PRKD1: variants seen among roughly 807,000 people sequenced by gnomAD.
The protein encoded by PRKD1 is protein kinase D1.
In PRKD1, 63 loss-of-function variants were observed where a neutral mutation model predicts 95.9. The ratio of observed to expected loss-of-function variants is 0.66; its 90% confidence interval spans 0.54 to 0.81. PRKD1 has a LOEUF of 0.81. Among genes scored for constraint, PRKD1 ranks in the 30% least tolerant of loss-of-function variants. The pLI is 0.00. For missense variants in PRKD1, 1,048 were observed against 1,165.3 expected, an observed-to-expected ratio of 0.90 and a Z score of 1.47; for synonymous variants, 425 against 423.1, an observed-to-expected ratio of 1.00 and a Z score of -0.05.
intron 13 of PRKD1, among the ~76,000 whole-genome samples, chr14:29,617,645 TA>T (rs1233136346): frequency 8.5e-5 from 13 of 152,318 alleles, no homozygotes; most frequent in African/African-American, 2.6e-4. Flanking sequence ...ATATTTTTCT[TA>T]ACCTTTATAT....
chr14:29,678,357 G>A (rs535692558), intron 2 of PRKD1, among the ~76,000 whole-genome samples: 143 of 152,164 alleles, frequency 9.4e-4, no homozygotes, highest in Non-Finnish European at 1.4e-3. Flanking sequence ...ATAAACATTA[G>A]CCATTCCGTA....
intron 1 of PRKD1, among the ~76,000 whole-genome samples, chr14:29,918,271 A>T (rs184978051): frequency 1.6e-3 from 238 of 152,244 alleles, no homozygotes; most frequent in African/African-American, 5.3e-3. Flanking sequence ...GGAGGGAGAA[A>T]GAATCTTGTA....
intron 16 of PRKD1, chr14:29,592,588 A>C (rs2138991794): frequency 6.6e-6 from 1 of 152,312 alleles, no homozygotes; most frequent in African/African-American, 2.4e-5. Flanking sequence ...GATAGACAGA[A>C]GTAAAGACTA....
Position 29,597,296 on chromosome 14 carries a change from C to T in PRKD1, c.2434+195G>A, listed in dbSNP as rs1893342408. Reference sequence around the variant, plus strand: ...ATTCTCTCTGGTTGTTCACTTACTTCTTAATATATATAACCCAATTTCTGT... The same window carrying T: ...ATTCTCTCTGGTTGTTCACTTACTTTTTAATATATATAACCCAATTTCTGT... On this transcript the variant is annotated intron_variant, in intron 16 of 17. Transcript: ENST00000331968. 2.0e-5 allele frequency among the ~76,000 whole-genome samples: 3 copies of T among 152,102 alleles called. No individual in the cohort carries two copies. In the South Asian group the frequency reaches 6.2e-4, roughly 32 times the overall value.
At chr14:29,816,093 C>T (rs1400439292) in intron 1 of PRKD1, among the ~76,000 whole-genome samples, 2 of 152,168 alleles carry the variant, frequency 1.3e-5, no homozygotes, top group Non-Finnish European at 2.9e-5. Flanking sequence ...TGGCACATGC[C>T]TGTAATCCCA....
chr14:29,616,324 A>T lies in PRKD1; in HGVS notation c.1905+7828T>A, dbSNP rs145500688. Among the ~76,000 whole-genome samples, 421 of 150,416 alleles carry T rather than the reference A, an allele frequency of 2.8e-3. 1 individual carries two copies. Among genetic ancestry groups the T allele is most frequent in the African/African-American group, 9.0e-3 (370 of 41,122 alleles). On this transcript the variant is annotated intron_variant, in intron 13 of 17. Coordinates refer to ENST00000331968, the MANE Select transcript of PRKD1 (RefSeq NM_002742.3). ...GTGTAGAAACCAATGACAAGAGGGA[A>T]ATTTATAAACAAGAAATGAAAGAGG...
chr14:29,812,560 C>T (rs902260334), intron 1 of PRKD1, among the ~76,000 whole-genome samples: 1 of 152,136 alleles, frequency 6.6e-6, no homozygotes, highest in African/African-American at 2.4e-5. Context: ...AACCTACAAT[C>T]ATGGTGGAAG....
intron 1 of PRKD1, among the ~76,000 whole-genome samples, chr14:29,804,834 A>G (rs1890172398): frequency 6.6e-6 from 1 of 152,174 alleles, no homozygotes; most frequent in Non-Finnish European, 1.5e-5. Context: ...TAAAACTCCC[A>G]GTAGACCTAA....
At chr14:29,706,768 T>A (rs571548268) in intron 2 of PRKD1, among the ~76,000 whole-genome samples, 2 of 152,232 alleles carry the variant, frequency 1.3e-5, no homozygotes, top group African/African-American at 4.8e-5. Context: ...ATCTTCTACT[T>A]TAAAACCAGC....
chr14:29,676,141 T>C (rs1156421252), intron 2 of PRKD1, among the ~76,000 whole-genome samples: 2 of 149,766 alleles, frequency 1.3e-5, no homozygotes, highest in East Asian at 4.0e-4. Context: ...AAAAAGTAAG[T>C]CATCTACATT....
intron 1 of PRKD1, among the ~76,000 whole-genome samples, chr14:29,873,539 C>T (rs111858592): frequency 1.3e-4 from 20 of 151,968 alleles, no homozygotes; most frequent in African/African-American, 4.6e-4. Flanking sequence ...ACTATCTATA[C>T]AAAATGCTTT....
intron 1 of PRKD1, among the ~76,000 whole-genome samples, chr14:29,802,560 G>A (rs1890078949): frequency 6.6e-6 from 1 of 152,212 alleles, no homozygotes; most frequent in Non-Finnish European, 1.5e-5. Context: ...AGGTAACAAA[G>A]TGACATCTTT....
rs775360422 is a variant in PRKD1, at chr14:29,725,582, C to T, written c.357G>A (p.Ala119=). The change falls in exon 2 of 18, where the codon GCG becomes GCA. Residue 119 remains alanine (A), a synonymous_variant. Transcript: ENST00000331968. ...GATCGCCTTCCTGGATATCACTGGC[C>T]GCTTTCACCAGCTGAAGGATGTTTT... The part of the protein sequence containing the change: ...TSENILQLVK[A]ASDIQEGDLI... 19 of 1,613,652 alleles carry T rather than the reference C, an allele frequency of 1.2e-5. No individual in the cohort carries two copies. The highest frequency in any genetic ancestry group is 8.3e-5 in the Admixed American group (5 of 59,968).
chr14:29,798,889 T>C (rs1342587024), intron 1 of PRKD1, among the ~76,000 whole-genome samples: 1 of 152,230 alleles, frequency 6.6e-6, no homozygotes, highest in Non-Finnish European at 1.5e-5. Context: ...TGTTAAATAA[T>C]AATCTCATCA....
intron 1 of PRKD1, among the ~76,000 whole-genome samples, chr14:29,816,070 T>C (rs1183014931): frequency 6.6e-6 from 1 of 151,950 alleles, no homozygotes; most frequent in Non-Finnish European, 1.5e-5. Context: ...ATACAAAAAT[T>C]AGCTGGGTGT....
chr14:29,731,557 A>AT (rs1405877174), intron 1 of PRKD1, among the ~76,000 whole-genome samples: 2 of 152,018 alleles, frequency 1.3e-5, no homozygotes, highest in Non-Finnish European at 1.5e-5. Context: ...ATACTTGTGG[A>AT]TTTTTTTCTC....
At chr14:29,820,062 A>G (rs1006914104) in intron 1 of PRKD1, among the ~76,000 whole-genome samples, 2 of 152,208 alleles carry the variant, frequency 1.3e-5, no homozygotes, top group African/African-American at 4.8e-5. Flanking sequence ...AGATTCAGCC[A>G]CTATAAACTC....
At chr14:29,774,918 T>A (rs1249446348) in intron 1 of PRKD1, among the ~76,000 whole-genome samples, 1 of 152,096 alleles carries the variant, frequency 6.6e-6, no homozygotes. Context: ...GAAGGACAAA[T>A]CAGGGGAGAG....
intron 1 of PRKD1, among the ~76,000 whole-genome samples, chr14:29,816,626 A>G (rs1890703528): frequency 6.6e-6 from 1 of 152,194 alleles, no homozygotes; most frequent in South Asian, 2.1e-4. Context: ...TTTCTCTTAA[A>G]ATATAACCTC....
Sources: gnomAD v4.1 joint callset for allele counts (sites outside exome capture counted in the v4.1 genomes callset) on GRCh38, gnomAD v4.1.1 for gene constraint, MANE v1.5 for transcripts, NCBI Gene and HGNC (gene_info 2026-07-23, HGNC 2026-07-21) for gene names.